Variants in ABCA13 observed in about 807,000 individuals in gnomAD.
ABCA13 encodes ATP binding cassette subfamily A member 13, also known as ATP-binding cassette sub-family A member 13.
In ABCA13, 476 loss-of-function variants were observed where a neutral mutation model predicts 478.7. The observed-to-expected ratio is 0.99, with a 90% CI of 0.92 to 1.07. The LOEUF is 1.07. Among genes scored for constraint, ABCA13 ranks in the 50% least tolerant of loss-of-function variants. The pLI, the probability that ABCA13 is intolerant of heterozygous loss-of-function variation, is 0.00. For synonymous variants in ABCA13, 2,252 were observed against 2,158.9 expected, an observed-to-expected ratio of 1.04 and a Z score of -1.20; for missense variants, 6,060 against 5,910.6, an observed-to-expected ratio of 1.03 and a Z score of -0.83.
At chr7:48,220,635 G>A (rs2128965994) in intron 4 of ABCA13, among the ~76,000 whole-genome samples, 1 of 152,222 alleles carries the variant, frequency 6.6e-6, no homozygotes, top group Middle Eastern at 3.4e-3. Flanking sequence ...CTGCCTGAAA[G>A]CTGATTTCAC....
intron 13 of ABCA13, among the ~76,000 whole-genome samples, chr7:48,247,996 C>CACTG (rs1791957697): frequency 6.6e-6 from 1 of 152,202 alleles, no homozygotes; most frequent in South Asian, 2.1e-4. Context: ...ATAGCTATGA[C>CACTG]ACTGAGTCCC....
At chr7:48,375,987 C>T (rs61459797) in intron 34 of ABCA13, among the ~76,000 whole-genome samples, 4 of 152,198 alleles carry the variant, frequency 2.6e-5, no homozygotes, top group African/African-American at 9.6e-5. Context: ...AAATAAATCA[C>T]AAACCTATTG....
At chr7:48,472,983 G>A (rs1827673236) in intron 45 of ABCA13, among the ~76,000 whole-genome samples, 1 of 152,184 alleles carries the variant, frequency 6.6e-6, no homozygotes, top group African/African-American at 2.4e-5. Context: ...GGCTGGGGAG[G>A]CCTCACAATC....
At chr7:48,565,083 C>T (rs1003080893) in intron 55 of ABCA13, among the ~76,000 whole-genome samples, 25 of 151,988 alleles carry the variant, frequency 1.6e-4, no homozygotes, top group African/African-American at 4.8e-4. Flanking sequence ...ACTGCGGAAA[C>T]GGTGATAAAC....
intron 27 of ABCA13, among the ~76,000 whole-genome samples, chr7:48,333,216 C>G (rs1188663322): frequency 1.3e-5 from 2 of 152,188 alleles, no homozygotes; most frequent in African/African-American, 4.8e-5. Context: ...TCTGCCATCT[C>G]CATTCTTCTA....
rs199803760 is a variant in ABCA13, at chr7:48,278,477, A to G, written c.7283A>G (p.Asp2428Gly). 4.3e-6 allele frequency: 7 copies of G among 1,613,896 alleles called. No homozygotes were observed. The highest frequency in any genetic ancestry group is 1.3e-5 in the African/African-American group (1 of 74,948). Residue 2428 changes from aspartate to glycine, a missense_variant, in exon 18 of 62, where the codon GAT becomes GGT. By Grantham distance (94) the Asp-to-Gly change is moderately conservative. This residue lies in a region of ABCA13 where 4,423 missense variants were observed against 4,309.1 expected (regional missense o/e 1.03). Coordinates refer to ENST00000435803, the MANE Select transcript of ABCA13 (RefSeq NM_152701.5). ...ECSTEMARLLDTILHSPNKDF... is the reference protein window; with the variant it reads ...ECSTEMARLLGTILHSPNKDF... Reference sequence around the variant, plus strand: ...TCAACAGAGATGGCAAGACTTCTGGATACAATTTTACACTCTCCTAATAAG... The same window carrying G: ...TCAACAGAGATGGCAAGACTTCTGGGTACAATTTTACACTCTCCTAATAAG...
At chr7:48,297,755 C>T (rs1799584418) in intron 22 of ABCA13, among the ~76,000 whole-genome samples, 1 of 151,662 alleles carries the variant, frequency 6.6e-6, no homozygotes, top group Non-Finnish European at 1.5e-5. Flanking sequence ...GGTCACTGCT[C>T]CCTAAGAAGA....
chr7:48,227,478 T>C (rs1788399916), intron 6 of ABCA13, 53 bp downstream of exon 6: 1 of 1,555,802 alleles, frequency 6.4e-7, no homozygotes, highest in Non-Finnish European at 8.7e-7. Flanking sequence ...TTTTTTACCT[T>C]ATTTTTAAAA....
At chr7:48,212,737 AG>A (rs933575054) in intron 3 of ABCA13, among the ~76,000 whole-genome samples, 48 of 152,158 alleles carry the variant, frequency 3.2e-4, no homozygotes, top group Admixed American at 2.9e-3. Flanking sequence ...ATATTTTTTG[AG>A]GAAAGTGTCT....
intron 55 of ABCA13, among the ~76,000 whole-genome samples, chr7:48,534,836 G>T (rs186335649): frequency 6.6e-6 from 1 of 152,108 alleles, no homozygotes; most frequent in Non-Finnish European, 1.5e-5. Flanking sequence ...TTCTCTAAGT[G>T]TGCCTTGATT....
rs1365478834 is a variant in ABCA13 at position 48,433,698 on chromosome 7, A to G, written c.12565+5827A>G. 2.6e-5 allele frequency among the ~76,000 whole-genome samples: 4 copies of G among 151,838 alleles called. No homozygotes were observed. The East Asian group carries it at 7.7e-4, about 29-fold the overall frequency. ...ACAACTCCTCATTTCTCCCTCCCCC[A>G]GCTCCTGGAAACCACCATTCTAGCC... On this transcript the variant is annotated intron_variant, in intron 42 of 61. Transcript: ENST00000435803.
chr7:48,279,693 C>T lies in ABCA13; in HGVS notation c.8499C>T (p.Asn2833=), dbSNP rs1208835888. The part of the protein sequence containing the change: ...IALWRKGLLF[N]NSEWITSTRT... ...TCTGGAGGAAAGGACTTCTGTTTAA[C>T]AACTCTGAATGGATAACTTCCACAA... Residue 2833 remains asparagine (N), a synonymous_variant, in exon 18 of 62, where the codon AAC becomes AAT. Coordinates refer to ENST00000435803, the MANE Select transcript of ABCA13 (RefSeq NM_152701.5). 6 of 1,613,532 alleles carry T rather than the reference C, an allele frequency of 3.7e-6. No individual in the cohort carries two copies. In the South Asian group the frequency reaches 6.6e-5, roughly 18 times the overall value.
chr7:48,570,586 G>A (rs1787539798), intron 55 of ABCA13, among the ~76,000 whole-genome samples: 1 of 151,840 alleles, frequency 6.6e-6, no homozygotes, highest in Non-Finnish European at 1.5e-5. Context: ...GCCTCCCAAA[G>A]TGCTGGTATT....
intron 55 of ABCA13, among the ~76,000 whole-genome samples, chr7:48,531,368 G>T (rs565253093): frequency 6.6e-6 from 1 of 152,094 alleles, no homozygotes; most frequent in African/African-American, 2.4e-5. Context: ...TTTTATACAA[G>T]TACCATTCTG....
intron 55 of ABCA13, among the ~76,000 whole-genome samples, chr7:48,552,083 A>T (rs772086451): frequency 6.6e-6 from 1 of 151,814 alleles, no homozygotes. Flanking sequence ...GCCTTTATTC[A>T]TAGTTTTGTT....
Position 48,295,756 on chromosome 7 carries a change from G to A in ABCA13, c.9012G>A (p.Lys3004=). The change falls in exon 21 of 62, where the codon AAG becomes AAA. Residue 3004 remains lysine (K), a synonymous_variant. Transcript: ENST00000435803. ...PNQLNCESLS[K]NLSSTLESFK... ...AGCTAAATTGTGAAAGTCTTAGCAAGAATCTTTCTAGCACCTTGGAGAGCT... is the reference window on the plus strand; with the variant it reads ...AGCTAAATTGTGAAAGTCTTAGCAAAAATCTTTCTAGCACCTTGGAGAGCT... 6.2e-7 allele frequency: 1 copy of A among 1,614,056 alleles called. No individual in the cohort carries two copies.
At chr7:48,384,061 T>C (rs1814796823) in intron 35 of ABCA13, among the ~76,000 whole-genome samples, 1 of 152,222 alleles carries the variant, frequency 6.6e-6, no homozygotes, top group African/African-American at 2.4e-5. Flanking sequence ...TCTAGAATCC[T>C]AGAATTTTAA....
At chr7:48,423,058 G>A (rs1053642847) in intron 41 of ABCA13, among the ~76,000 whole-genome samples, 1 of 152,212 alleles carries the variant, frequency 6.6e-6, no homozygotes, top group African/African-American at 2.4e-5. Context: ...CACCACATTT[G>A]TGGTAATTTG....
At chr7:48,229,622 AC>A (rs1304912084) in intron 6 of ABCA13, among the ~76,000 whole-genome samples, 1 of 152,188 alleles carries the variant, frequency 6.6e-6, no homozygotes, top group Non-Finnish European at 1.5e-5. Flanking sequence ...TCAAGAGAAG[AC>A]CTTACCTCTT....
Sources: gnomAD v4.1 joint callset for allele counts (sites outside exome capture counted in the v4.1 genomes callset) on GRCh38, gnomAD v4.1.1 for gene constraint, gnomAD v4.1.1 regional missense constraint, MANE v1.5 for transcripts, NCBI Gene and HGNC (gene_info 2026-07-23, HGNC 2026-07-21) for gene names.